GLIS3: variants seen among roughly 807,000 people sequenced by gnomAD.
GLIS3 encodes zinc finger protein GLIS3.
In GLIS3, 53 loss-of-function variants were observed where a neutral mutation model predicts 78.6. The ratio of observed to expected loss-of-function variants is 0.67; its 90% confidence interval spans 0.54 to 0.85. GLIS3 has a LOEUF of 0.85. Ranked by LOEUF, GLIS3 falls within the 40% of genes least tolerant of loss-of-function variation. GLIS3 has a pLI of 0.00. For missense variants in GLIS3, 1,703 were observed against 1,231.1 expected (o/e 1.38, Z -5.74); for synonymous variants, 684 against 509.9 (o/e 1.34, Z -4.60).
In GLIS3 at chr9:4,256,190, C is replaced by T. The variant is rs1312676495; in HGVS notation, c.388+29848G>A. On this transcript the variant is annotated intron_variant, in intron 2 of 10. Transcript: ENST00000381971. ...AGCACCTCTATTAAAAAGAGCATCA[C>T]AGTTCAATGAGAATAAGAGAGGCAA... 2.6e-5 allele frequency among the ~76,000 whole-genome samples: 4 copies of T among 152,228 alleles called. No homozygotes were observed. The East Asian group carries it at 5.8e-4, about 22-fold the overall frequency.
At chr9:4,288,993 A>G (rs1246057835) in intron 1 of GLIS3, among the ~76,000 whole-genome samples, 1 of 152,170 alleles carries the variant, frequency 6.6e-6, no homozygotes, top group Non-Finnish European at 1.5e-5. Context: ...TATTTATATG[A>G]TAATATTTTC....
intron 4 of GLIS3, among the ~76,000 whole-genome samples, chr9:4,011,634 C>T (rs73388257): frequency 9.8e-4 from 149 of 152,276 alleles, no homozygotes; most frequent in African/African-American, 2.8e-3. Flanking sequence ...CTGGACCTTC[C>T]GTCTCTAGTC....
chr9:4,148,305 T>C (rs1238257151), intron 2 of GLIS3, among the ~76,000 whole-genome samples: 2 of 152,130 alleles, frequency 1.3e-5, no homozygotes, highest in Non-Finnish European at 2.9e-5. Context: ...TTCACCACTA[T>C]GGTTCTTTCA....
the GLIS3 span, among the ~76,000 whole-genome samples, chr9:4,443,873 G>A: frequency 3.9e-5 from 6 of 152,178 alleles, no homozygotes; most frequent in African/African-American, 1.4e-4. Flanking sequence ...GCTCAAAGAA[G>A]TCAAAATTAT....
chr9:4,398,010 C>G, the GLIS3 span, among the ~76,000 whole-genome samples: 1 of 151,986 alleles, frequency 6.6e-6, no homozygotes, highest in African/African-American at 2.4e-5. Context: ...CTCAGATGCC[C>G]CTCTCATTCT....
chr9:4,372,772 T>C, the GLIS3 span, among the ~76,000 whole-genome samples: 1 of 152,190 alleles, frequency 6.6e-6, no homozygotes, highest in Non-Finnish European at 1.5e-5. Flanking sequence ...AAAGTTATGA[T>C]AGCTCATCTA....
intron 4 of GLIS3, among the ~76,000 whole-genome samples, chr9:4,100,492 TAC>T (rs1830287445): frequency 6.6e-6 from 1 of 152,224 alleles, no homozygotes; most frequent in Non-Finnish European, 1.5e-5. Context: ...TTCAGAGATG[TAC>T]AGTTTTTTGC....
intron 1 of GLIS3, among the ~76,000 whole-genome samples, chr9:4,293,373 C>T (rs1816195508): frequency 6.6e-6 from 1 of 152,198 alleles, no homozygotes; most frequent in South Asian, 2.1e-4. Flanking sequence ...ACCGATGTAA[C>T]TATTTCTGGC....
Position 4,206,896 on chromosome 9 carries a change from G to T in GLIS3, c.388+79142C>A, listed in dbSNP as rs1351855308. Among the ~76,000 whole-genome samples, 4 of 150,700 alleles carry T rather than the reference G, an allele frequency of 2.7e-5. No individual in the cohort carries two copies. The East Asian group carries it at 7.9e-4, about 30-fold the overall frequency. ...GATACTTGGCATATCGCGCTGGGAGGAAGGGGGGAGGACGAAGTCCATGAT... is the reference window on the plus strand; with the variant it reads ...GATACTTGGCATATCGCGCTGGGAGTAAGGGGGGAGGACGAAGTCCATGAT... On this transcript the variant is annotated intron_variant, in intron 2 of 10. Transcript: ENST00000381971.
At chr9:3,943,125 C>T (rs501631) in intron 4 of GLIS3, among the ~76,000 whole-genome samples, 72,465 of 152,060 alleles carry the variant, frequency 0.48, 20,067 homozygotes, top group African/African-American at 0.78. Flanking sequence ...TTTGGACATA[C>T]GGGTCACCTC....
intron 2 of GLIS3, among the ~76,000 whole-genome samples, chr9:4,191,754 G>A (rs182734309): frequency 1.3e-5 from 2 of 152,306 alleles, no homozygotes; most frequent in African/African-American, 2.4e-5. Context: ...ATTGAGGAAC[G>A]TGGTTTAATC....
At chr9:4,465,613 C>T in the GLIS3 span, among the ~76,000 whole-genome samples, 1 of 152,026 alleles carries the variant, frequency 6.6e-6, no homozygotes, top group African/African-American at 2.4e-5. Context: ...TTTGTAAATC[C>T]AAGGATAAAT....
chr9:4,002,448 G>C (rs1272882359), intron 4 of GLIS3, among the ~76,000 whole-genome samples: 2 of 152,152 alleles, frequency 1.3e-5, no homozygotes, highest in Admixed American at 6.6e-5. Context: ...TACTGAGTAG[G>C]CTTTACCCCT....
chr9:3,988,162 A>C lies in GLIS3; in HGVS notation c.1711-50973T>G, dbSNP rs1028613496. 2.6e-5 allele frequency among the ~76,000 whole-genome samples: 4 copies of C among 152,300 alleles called. No homozygotes were observed. The South Asian group carries it at 8.3e-4, about 32-fold the overall frequency. ...GAAAGGAGAGACTTGTCAACTGTGAAGTTTATATTCAGAGAAACTATCCTT... is the reference window on the plus strand; with the variant it reads ...GAAAGGAGAGACTTGTCAACTGTGACGTTTATATTCAGAGAAACTATCCTT... On this transcript the variant is annotated intron_variant, in intron 4 of 10. Coordinates refer to ENST00000381971, the MANE Select transcript of GLIS3 (RefSeq NM_001042413.2).
chr9:4,474,317 G>A, the GLIS3 span, among the ~76,000 whole-genome samples: 1 of 152,114 alleles, frequency 6.6e-6, no homozygotes, highest in Non-Finnish European at 1.5e-5. Flanking sequence ...ACTAGCCTGG[G>A]CAATATGGTG....
intron 4 of GLIS3, among the ~76,000 whole-genome samples, chr9:3,954,689 GTTTA>G (rs1283160762): frequency 6.6e-6 from 1 of 152,086 alleles, no homozygotes; most frequent in African/African-American, 2.4e-5. Context: ...ATTAGGCCCT[GTTTA>G]TTTAGAAAAA....
chr9:4,039,509 C>G (rs1259133302), intron 4 of GLIS3, among the ~76,000 whole-genome samples: 1 of 152,146 alleles, frequency 6.6e-6, no homozygotes, highest in Non-Finnish European at 1.5e-5. Context: ...CAAAACTTCA[C>G]AAACACAGGA....
chr9:4,204,625 A>C (rs148709534), intron 2 of GLIS3, among the ~76,000 whole-genome samples: 93 of 151,922 alleles, frequency 6.1e-4, no homozygotes, highest in Admixed American at 1.0e-3. Context: ...TCAAGTATCA[A>C]GAAGGAATCA....
At chr9:3,998,452 A>G (rs1820895459) in intron 4 of GLIS3, among the ~76,000 whole-genome samples, 1 of 152,030 alleles carries the variant, frequency 6.6e-6, no homozygotes, top group South Asian at 2.1e-4. Context: ...TGTGGTTTAG[A>G]ATTACAATAA....
Sources: allele counts gnomAD v4.1 joint callset (sites outside exome capture counted in the v4.1 genomes callset), GRCh38; gene constraint gnomAD v4.1.1; transcripts MANE v1.5; gene names NCBI Gene and HGNC (gene_info 2026-07-23, HGNC 2026-07-21).